Variants in TRPC7 observed in about 807,000 individuals in gnomAD.
TRPC7 encodes transient receptor potential cation channel subfamily C member 7.
Under a neutral mutation model 90.1 loss-of-function variants are expected in TRPC7, and 42 were observed. The observed-to-expected ratio is 0.47, with a 90% CI of 0.36 to 0.60. The LOEUF is 0.60. Among genes scored for constraint, TRPC7 ranks in the 20% least tolerant of loss-of-function variants. TRPC7 has a pLI of 0.00. For synonymous variants in TRPC7, 451 were observed against 436.3 expected (o/e 1.03, Z -0.42); for missense variants, 955 against 1,112.3 (o/e 0.86, Z 2.01).
intron 3 of TRPC7, among the ~76,000 whole-genome samples, chr5:136,278,557 G>A (rs891414205): frequency 2.6e-5 from 4 of 152,210 alleles, no homozygotes; most frequent in African/African-American, 9.6e-5. Flanking sequence ...AGTGCCAGGA[G>A]ATTAAGAAAC....
chr5:136,278,047 A>G (rs1340463671), intron 3 of TRPC7, among the ~76,000 whole-genome samples: 1 of 152,196 alleles, frequency 6.6e-6, no homozygotes, highest in African/African-American at 2.4e-5. Flanking sequence ...TGGACTGTCC[A>G]AGGACCTGGG....
rs376791511 is a variant in TRPC7 at position 136,213,405 on chromosome 5, G to A, written c.*30C>T. 3 of 1,609,654 alleles carry A rather than the reference G, an allele frequency of 1.9e-6. No homozygotes were observed. The African/African-American group carries it at 4.0e-5, about 22-fold the overall frequency. ...GCATCCAACCTGGCCTTGGAATGCT[G>A]GTAGAAGTCACAGACGCCGATGTGG... On this transcript the variant is annotated 3_prime_UTR_variant, in exon 12 of 12. Coordinates refer to ENST00000513104, the MANE Select transcript of TRPC7 (RefSeq NM_020389.3).
chr5:136,213,060 A>T lies in TRPC7; in HGVS notation c.*375T>A, dbSNP rs931982606. 6.6e-5 allele frequency among the ~76,000 whole-genome samples: 10 copies of T among 152,312 alleles called. No homozygotes were observed. Among genetic ancestry groups the T allele is most frequent in the African/African-American group, 2.2e-4 (9 of 41,572 alleles). Reference sequence around the variant, plus strand: ...TGTGGGTTGAGGTGTTTGTCTTCCCAGGACACAGCCAGAGCTGCAGTCCCA... The same window carrying T: ...TGTGGGTTGAGGTGTTTGTCTTCCCTGGACACAGCCAGAGCTGCAGTCCCA... On this transcript the variant is annotated 3_prime_UTR_variant, in exon 12 of 12. Coordinates refer to ENST00000513104, the MANE Select transcript of TRPC7 (RefSeq NM_020389.3).
chr5:136,343,505 A>G (rs548599152), intron 2 of TRPC7, among the ~76,000 whole-genome samples: 2 of 152,344 alleles, frequency 1.3e-5, no homozygotes, highest in East Asian at 3.9e-4. Flanking sequence ...GAAGCTGAGA[A>G]GAATCTGAAC....
intron 3 of TRPC7, among the ~76,000 whole-genome samples, chr5:136,310,833 T>C (rs183498393): frequency 1.4e-3 from 212 of 152,228 alleles, no homozygotes; most frequent in Non-Finnish European, 2.5e-3. Flanking sequence ...AAGGTATGAC[T>C]GTGTTTTATT....
chr5:136,266,417 C>T lies in TRPC7; in HGVS notation c.1148G>A (p.Ser383Asn). ...PCSKLGRTLR[S>N]PFMKFVAHAV... ...ATGAGCTACAAACTTCATGAAAGGG[C>T]TCCTCAGGGTTCGTCCTAGCTGGAA... Residue 383 changes from serine to asparagine, a missense_variant, in exon 5 of 12, where the codon AGC (serine) becomes AAC (asparagine). Around this residue, in one of 4 missense-constraint regions of TRPC7, gnomAD observed 484 missense variants for 509.6 expected, o/e 0.95. Coordinates refer to ENST00000513104, the MANE Select transcript of TRPC7 (RefSeq NM_020389.3). The T allele has an allele frequency of 6.2e-7, 1 of 1,613,634 alleles. No homozygotes were observed. The highest frequency in any genetic ancestry group is 8.5e-7 in the Non-Finnish European group (1 of 1,179,700).
intron 6 of TRPC7, 53 bp downstream of exon 6, chr5:136,251,596 G>A: frequency 5.7e-6 from 8 of 1,391,498 alleles, no homozygotes; most frequent in Middle Eastern, 3.9e-4. Context: ...GAAGCACCAG[G>A]CCCACGTCCC....
rs189001413 is a variant in TRPC7 at position 136,354,891 on chromosome 5, C to T, written c.780+1717G>A. On this transcript the variant is annotated intron_variant, in intron 2 of 11. Transcript: ENST00000513104. ...CTCCTCCAAATGCCTACTCTCTCTT[C>T]GTAATGACCCAACCACTCCTACTCA... is the stretch of plus-strand genomic sequence containing the variant. 8.1e-4 allele frequency among the ~76,000 whole-genome samples: 124 copies of T among 152,318 alleles called. 1 individual carries two copies. Among genetic ancestry groups the T allele is most frequent in the South Asian group, 3.7e-3 (18 of 4,828 alleles).
intron 4 of TRPC7, among the ~76,000 whole-genome samples, chr5:136,272,407 G>C (rs1049055522): frequency 2.0e-5 from 3 of 152,182 alleles, no homozygotes; most frequent in Non-Finnish European, 4.4e-5. Context: ...AAGTTGAAAA[G>C]ATTTCTTTCT....
chr5:136,320,600 T>C (rs1759164613), intron 2 of TRPC7, among the ~76,000 whole-genome samples: 1 of 152,150 alleles, frequency 6.6e-6, no homozygotes, highest in Admixed American at 6.5e-5. Context: ...GGTTTCAAAA[T>C]CCTGGAAGAT....
chr5:136,241,282 C>G (rs1417656307), intron 7 of TRPC7, among the ~76,000 whole-genome samples: 1 of 152,234 alleles, frequency 6.6e-6, no homozygotes. Flanking sequence ...ACTCTCAACC[C>G]AGCTATGCTA....
At chr5:136,340,305 T>G (rs1031648314) in intron 2 of TRPC7, among the ~76,000 whole-genome samples, 1 of 151,948 alleles carries the variant, frequency 6.6e-6, no homozygotes, top group African/African-American at 2.4e-5. Context: ...GTGGGTGGGG[T>G]GGGTAAGGAA....
intron 3 of TRPC7, among the ~76,000 whole-genome samples, chr5:136,299,342 T>TGC (rs1428385903): frequency 1.9e-5 from 1 of 53,160 alleles, no homozygotes; most frequent in Non-Finnish European, 3.3e-5. Context: ...GGTGTGTGCG[T>TGC]GTGTGTGTGT....
chr5:136,224,682 G>T (rs1755571528), intron 10 of TRPC7, among the ~76,000 whole-genome samples: 1 of 152,148 alleles, frequency 6.6e-6, no homozygotes, highest in African/African-American at 2.4e-5. Flanking sequence ...ATAGCAGTTA[G>T]GTGGTTTTCT....
intron 4 of TRPC7, among the ~76,000 whole-genome samples, chr5:136,267,852 C>T (rs905002144): frequency 3.9e-5 from 6 of 152,102 alleles, no homozygotes; most frequent in Non-Finnish European, 8.8e-5. Context: ...GGAATAACTT[C>T]AGAAATATAA....
At chr5:136,355,980 CAGAGTGATTTAATT>C (rs1238374237) in intron 2 of TRPC7, among the ~76,000 whole-genome samples, 1 of 152,164 alleles carries the variant, frequency 6.6e-6, no homozygotes, top group Non-Finnish European at 1.5e-5. Flanking sequence ...AAGGTGTTCT[CAGAGTGATTTAATT>C]AGAGCTTTCG....
At chr5:136,365,151 GGAA>G (rs1760682347) in intron 1 of TRPC7, 99 bp downstream of exon 1, 4 of 1,331,032 alleles carry the variant, frequency 3.0e-6, no homozygotes, top group Non-Finnish European at 4.2e-6. Context: ...GTGCACTAGA[GGAA>G]GAAGGCTGAT....
intron 7 of TRPC7, among the ~76,000 whole-genome samples, chr5:136,246,698 C>A (rs1486966066): frequency 6.6e-6 from 1 of 152,180 alleles, no homozygotes; most frequent in African/African-American, 2.4e-5. Context: ...ATTGCAACTC[C>A]CTCACTCTAA....
intron 8 of TRPC7, among the ~76,000 whole-genome samples, chr5:136,230,888 G>A (rs2149796942): frequency 6.6e-6 from 1 of 152,294 alleles, no homozygotes; most frequent in Admixed American, 6.5e-5. Context: ...GGAATTTGTT[G>A]ATTGCCCTGT....
Sources: gnomAD v4.1 joint callset for allele counts (sites outside exome capture counted in the v4.1 genomes callset) on GRCh38, gnomAD v4.1.1 for gene constraint, gnomAD v4.1.1 regional missense constraint, MANE v1.5 for transcripts, NCBI Gene and HGNC (gene_info 2026-07-23, HGNC 2026-07-21) for gene names.